The following WIPF3 variants were observed in gnomAD, a reference collection of about 807,000 sequenced individuals.
WIPF3 encodes WAS/WASL interacting protein family member 3.
Under a neutral mutation model 38.9 loss-of-function variants are expected in WIPF3, and 33 were observed. The observed-to-expected ratio is 0.85, with a 90% CI of 0.64 to 1.14. The LOEUF (loss-of-function observed/expected upper bound fraction) is 1.14. Ranked by LOEUF, WIPF3 falls within the 50% of genes most tolerant of loss-of-function variation. The pLI is 0.00. For synonymous variants in WIPF3, 324 were observed against 269.3 expected, an observed-to-expected ratio of 1.20 and a Z score of -1.99; for missense variants, 711 against 652.5, an observed-to-expected ratio of 1.09 and a Z score of -0.98.
chr7:29,889,465 C>T (rs1300089212), intron 7 of WIPF3, 58 bp downstream of exon 7: 2 of 1,290,604 alleles, frequency 1.5e-6, no homozygotes, highest in African/African-American at 2.9e-5. Flanking sequence ...ATTAGGTGCC[C>T]ACTGTGCATC....
intron 7 of WIPF3, among the ~76,000 whole-genome samples, chr7:29,892,253 C>T (rs994798446): frequency 5.3e-5 from 8 of 152,110 alleles, no homozygotes; most frequent in Admixed American, 3.3e-4. Flanking sequence ...GTGTGCCTCA[C>T]GGGACTTTCC....
At chr7:29,900,468 T>G (rs1430621021) in intron 7 of WIPF3, among the ~76,000 whole-genome samples, 1 of 152,128 alleles carries the variant, frequency 6.6e-6, no homozygotes, top group Non-Finnish European at 1.5e-5. Context: ...GTGACCTCTC[T>G]CAGAGACTGA....
At chr7:29,893,081 A>C (rs1466520799) in intron 7 of WIPF3, among the ~76,000 whole-genome samples, 1 of 152,040 alleles carries the variant, frequency 6.6e-6, no homozygotes, top group Non-Finnish European at 1.5e-5. Context: ...AAAAAACAAA[A>C]AAAAAAGAGT....
At chr7:29,875,989 C>T in intron 3 of WIPF3, 27 bp downstream of exon 3, 1 of 1,610,206 alleles carries the variant, frequency 6.2e-7, no homozygotes, top group Non-Finnish European at 8.5e-7. Flanking sequence ...GCCAGGCCTC[C>T]TGTGAGCCAA....
intron 1 of WIPF3, among the ~76,000 whole-genome samples, chr7:29,806,908 C>A (rs1480965856): frequency 6.6e-6 from 1 of 151,372 alleles, no homozygotes; most frequent in Non-Finnish European, 1.5e-5. Flanking sequence ...CCACGCCGCC[C>A]CGGCCGGGCC....
Position 29,844,768 on chromosome 7 carries a change from G to A in WIPF3, c.90+9954G>A, listed in dbSNP as rs145417541. Among the ~76,000 whole-genome samples, 60 of 152,286 alleles carry A rather than the reference G, an allele frequency of 3.9e-4. No individual in the cohort carries two copies. The South Asian group carries it at 4.6e-3, about 12-fold the overall frequency. On this transcript the variant is annotated intron_variant, in intron 2 of 8. Coordinates refer to ENST00000242140, the MANE Select transcript of WIPF3 (RefSeq NM_001080529.3). This position sits in a 1 kb window ranked among gnomAD's most constrained non-coding sequence, Gnocchi z 4.8. The stretch of plus-strand genomic sequence containing the variant: ...ACAGTAACCCTTTGAGGCAGGTACT[G>A]TTCTCATTTTAAGGATGAGCTAACT...
At chr7:29,814,092 T>C (rs1784421782) in intron 1 of WIPF3, among the ~76,000 whole-genome samples, 1 of 152,150 alleles carries the variant, frequency 6.6e-6, no homozygotes, top group South Asian at 2.1e-4. Context: ...AGCTAATTTT[T>C]GTATTTTTAG....
At chr7:29,884,670 G>A (rs1385565536) in intron 5 of WIPF3, 77 bp downstream of exon 5, 8 of 1,479,154 alleles carry the variant, frequency 5.4e-6, no homozygotes, top group Non-Finnish European at 7.2e-6. Context: ...TTTATTGTTG[G>A]AGGTATTCGT....
chr7:29,838,680 T>C (rs1166891332), intron 2 of WIPF3, among the ~76,000 whole-genome samples: 3 of 152,124 alleles, frequency 2.0e-5, no homozygotes, highest in Non-Finnish European at 4.4e-5. Context: ...GGAAAACCGT[T>C]TGACAGCACC....
rs753302482 is a variant in WIPF3, at chr7:29,884,426, C to T, written c.932C>T (p.Pro311Leu). Residue 311 changes from proline to leucine, a missense_variant, in exon 5 of 9, where the codon CCC becomes CTC. Physicochemically the swap from Pro to Leu is moderately conservative, Grantham distance 98. Transcript: ENST00000242140. ...TCCCCGAGGGCTTCTTTGCCCGCGC[C>T]CCCTTTGCCAGGAGTTAATAGCAGC... ...SCSPRASLPA[P>L]PLPGVNSSSE... The T allele has an allele frequency of 1.0e-5, 16 of 1,526,442 alleles. 2 individuals carry two copies. In the Middle Eastern group the frequency reaches 5.1e-4, roughly 48 times the overall value. The allele number at this position is 1,526,442 out of a possible 1,614,324, so 94.6% of individuals were successfully genotyped here.
In WIPF3 at chr7:29,879,218, G is replaced by A. The variant is rs947891013; in HGVS notation, c.355+78G>A. 5.9e-6 allele frequency: 9 copies of A among 1,524,414 alleles called. No individual in the cohort carries two copies. In the Admixed American group the frequency reaches 7.2e-5, roughly 12 times the overall value. 94.4% of individuals were successfully genotyped at this position (1,524,414 alleles called of 1,614,324 possible). A position where few individuals can be genotyped will look rare whatever the true frequency, so the allele number is the denominator to read the frequency against. On this transcript the variant is annotated intron_variant, in intron 4 of 8. Coordinates refer to ENST00000242140, the MANE Select transcript of WIPF3 (RefSeq NM_001080529.3). ...GGAACCATCTGGGCAATCCACACATGCCAGTAAGCAACATGGTTTTACTGA... is the reference window on the plus strand; with the variant it reads ...GGAACCATCTGGGCAATCCACACATACCAGTAAGCAACATGGTTTTACTGA...
At chr7:29,843,245 C>G (rs1208452622) in intron 2 of WIPF3, among the ~76,000 whole-genome samples, 8 of 152,202 alleles carry the variant, frequency 5.3e-5, no homozygotes, top group Non-Finnish European at 1.5e-5. Flanking sequence ...CTCATACTTC[C>G]AAAGGGCCAT....
chr7:29,882,544 G>C (rs1041976677), intron 4 of WIPF3, among the ~76,000 whole-genome samples: 2 of 152,182 alleles, frequency 1.3e-5, no homozygotes, highest in African/African-American at 4.8e-5. Flanking sequence ...CCAAGGTCTT[G>C]CCTACTTAGC....
At chr7:29,846,728 G>A (rs1337030921) in intron 2 of WIPF3, among the ~76,000 whole-genome samples, 3 of 152,270 alleles carry the variant, frequency 2.0e-5, no homozygotes, top group South Asian at 2.1e-4. Flanking sequence ...AAAACAACAC[G>A]GGGTGTAAAA....
chr7:29,875,561 T>A (rs749907170), intron 2 of WIPF3, among the ~76,000 whole-genome samples: 9 of 152,098 alleles, frequency 5.9e-5, no homozygotes, highest in Non-Finnish European at 1.0e-4. Context: ...AGAGGGGCTA[T>A]GATTTAGGGC....
At chr7:29,856,801 T>C (rs1219811592) in intron 2 of WIPF3, among the ~76,000 whole-genome samples, 3 of 152,208 alleles carry the variant, frequency 2.0e-5, no homozygotes, top group Non-Finnish European at 4.4e-5. Flanking sequence ...AGAATACTTG[T>C]CATGTAAGAA....
chr7:29,843,724 G>A (rs1255423407), intron 2 of WIPF3, among the ~76,000 whole-genome samples: 1 of 152,158 alleles, frequency 6.6e-6, no homozygotes, highest in Non-Finnish European at 1.5e-5. Context: ...CACCATCGTT[G>A]GGAGGCTGGG....
chr7:29,828,923 A>G (rs930101001), intron 1 of WIPF3, among the ~76,000 whole-genome samples: 6 of 152,218 alleles, frequency 3.9e-5, no homozygotes, highest in Non-Finnish European at 8.8e-5. Flanking sequence ...AGATGCTTGC[A>G]GGGTAGCTGA....
At chr7:29,886,075 C>A (rs1241496145) in intron 5 of WIPF3, among the ~76,000 whole-genome samples, 2 of 151,872 alleles carry the variant, frequency 1.3e-5, no homozygotes, top group African/African-American at 4.8e-5. Flanking sequence ...AAGTTGATTC[C>A]ATTTTTTGTT....
Sources: gnomAD v4.1 joint callset for allele counts (sites outside exome capture counted in the v4.1 genomes callset) on GRCh38, gnomAD v4.1.1 for gene constraint, Gnocchi (gnomAD v3.1) non-coding constraint, MANE v1.5 for transcripts, NCBI Gene and HGNC (gene_info 2026-07-23, HGNC 2026-07-21) for gene names.